Variants in SOX5 observed in about 807,000 individuals in gnomAD.
The protein encoded by SOX5 is SRY-box transcription factor 5.
SOX5 carries 9 observed loss-of-function variants against 92.0 expected under a neutral mutation model. The ratio of observed to expected loss-of-function variants is 0.10; its 90% CI spans 0.06 to 0.17. The LOEUF is 0.17. Ranked by LOEUF, SOX5 falls within the 10% of genes least tolerant of loss-of-function variation. The pLI is 1.00. For missense variants in SOX5, 642 were observed against 944.5 expected, an observed-to-expected ratio of 0.68 and a Z score of 4.20; for synonymous variants, 344 against 336.3, an observed-to-expected ratio of 1.02 and a Z score of -0.25.
At chr12:24,452,452 C>CT (rs1262244893) in intron 1 of SOX5, among the ~76,000 whole-genome samples, 3 of 152,150 alleles carry the variant, frequency 2.0e-5, no homozygotes, top group Non-Finnish European at 4.4e-5. Flanking sequence ...CTAATGCCAC[C>CT]TCCCAGAGGG....
At chr12:24,377,074 G>C (rs1356081409) in intron 1 of SOX5, among the ~76,000 whole-genome samples, 1 of 152,032 alleles carries the variant, frequency 6.6e-6, no homozygotes, top group Non-Finnish European at 1.5e-5. Flanking sequence ...TACAGATGTA[G>C]ATTTGTCATG....
At chr12:24,135,270 C>T (rs1950014110) in intron 4 of SOX5, among the ~76,000 whole-genome samples, 1 of 152,312 alleles carries the variant, frequency 6.6e-6, no homozygotes, top group South Asian at 2.1e-4. Context: ...GATATAGCAA[C>T]CAATCCAAAA....
rs1049387239 is a variant in SOX5, at chr12:23,862,549, A to C, written c.271-16356T>G. On this transcript the variant is annotated intron_variant, in intron 2 of 14. Coordinates refer to ENST00000451604, the MANE Select transcript of SOX5 (RefSeq NM_006940.6). ...TTAAAAGCAACTAATAAATCCACTT[A>C]TGTTAAATTTGCCTAAAACATGACT... Among the ~76,000 whole-genome samples the C allele has an allele frequency of 1.6e-4, 24 of 152,316 alleles. 1 individual carries two copies. The highest frequency in any genetic ancestry group is 1.8e-4 in the Non-Finnish European group (12 of 68,016).
intron 4 of SOX5, among the ~76,000 whole-genome samples, chr12:24,092,301 T>C (rs1017865681): frequency 7.4e-6 from 1 of 135,522 alleles, no homozygotes; most frequent in Admixed American, 7.6e-5. Flanking sequence ...TAGGGTACAA[T>C]GCTGCGGAAT....
chr12:24,022,647 AGGATTGGCAG>A (rs1253491024), intron 4 of SOX5, among the ~76,000 whole-genome samples: 1 of 152,056 alleles, frequency 6.6e-6, no homozygotes, highest in African/African-American at 2.4e-5. Flanking sequence ...CTTGCTCCCA[AGGATTGGCAG>A]GGCTGATTCA....
intron 3 of SOX5, among the ~76,000 whole-genome samples, chr12:24,249,156 G>A (rs1232483934): frequency 2.6e-5 from 4 of 152,162 alleles, no homozygotes; most frequent in Non-Finnish European, 5.9e-5. Flanking sequence ...CTGTGTAAAC[G>A]ATCAGTGTTG....
chr12:24,014,583 C>G (rs944412839), intron 4 of SOX5, among the ~76,000 whole-genome samples: 1 of 152,076 alleles, frequency 6.6e-6, no homozygotes, highest in Admixed American at 6.6e-5. Flanking sequence ...AGTTAATAAG[C>G]CTTGATCTTG....
At chr12:23,854,801 A>T (rs1436080915) in intron 2 of SOX5, among the ~76,000 whole-genome samples, 2 of 152,158 alleles carry the variant, frequency 1.3e-5, no homozygotes, top group East Asian at 3.9e-4. Context: ...TGTATGCCTC[A>T]ATTTTCTCAT....
intron 5 of SOX5, 57 bp downstream of exon 5, chr12:23,740,810 A>G: frequency 1.4e-6 from 2 of 1,427,642 alleles, no homozygotes; most frequent in African/African-American, 1.4e-5. Context: ...AGTGACCTAT[A>G]AGTAGCAGGC....
At chr12:23,734,296 A>T (rs1429583865) in intron 6 of SOX5, among the ~76,000 whole-genome samples, 1 of 152,170 alleles carries the variant, frequency 6.6e-6, no homozygotes, top group Non-Finnish European at 1.5e-5. Flanking sequence ...GGCATGCAAT[A>T]AAAAAGTTCT....
At chr12:24,321,664 G>T (rs1008868095) in intron 2 of SOX5, among the ~76,000 whole-genome samples, 1 of 152,058 alleles carries the variant, frequency 6.6e-6, no homozygotes, top group Middle Eastern at 3.2e-3. Context: ...CATCTTGCTG[G>T]AGTACAAGAA....
At chr12:23,814,596 A>T (rs1368349290) in intron 3 of SOX5, among the ~76,000 whole-genome samples, 2 of 152,202 alleles carry the variant, frequency 1.3e-5, no homozygotes, top group African/African-American at 2.4e-5. Context: ...ACTTCAATTA[A>T]CAGATTCTGA....
chr12:24,314,751 C>A (rs544604095), intron 2 of SOX5, among the ~76,000 whole-genome samples: 2 of 152,186 alleles, frequency 1.3e-5, no homozygotes, highest in East Asian at 3.9e-4. Flanking sequence ...GACCTCCTTG[C>A]ACTTCCTTGA....
chr12:23,604,572 T>C, intron 8 of SOX5, 39 bp from the exon 9 acceptor site: 1 of 1,589,608 alleles, frequency 6.3e-7, no homozygotes, highest in Non-Finnish European at 8.6e-7. Context: ...AAGAATACTG[T>C]GAATAATAAA....
At chr12:24,355,403 G>A (rs909469582) in intron 2 of SOX5, among the ~76,000 whole-genome samples, 2 of 139,540 alleles carry the variant, frequency 1.4e-5, no homozygotes, top group Admixed American at 8.1e-5. Flanking sequence ...CGCCTCCCAG[G>A]TTCACACCAT....
intron 1 of SOX5, among the ~76,000 whole-genome samples, chr12:24,523,518 T>C (rs1252983310): frequency 1.3e-5 from 2 of 152,184 alleles, no homozygotes; most frequent in Non-Finnish European, 2.9e-5. Flanking sequence ...ATGAGAACAG[T>C]ATGCTACTGG....
At chr12:24,085,570 G>C (rs368056018) in intron 4 of SOX5, among the ~76,000 whole-genome samples, 10 of 151,976 alleles carry the variant, frequency 6.6e-5, no homozygotes, top group African/African-American at 2.4e-4. Context: ...TAATTATTTG[G>C]CTATAATATA....
At position 23,842,296 on chromosome 12, in the gene SOX5, G is replaced by A. The variant is rs2096528089; in HGVS notation, c.481+3687C>T. ...AGGAGCCATATTTCTCACTGTTGGG[G>A]TGGAAATGTACAGATCAGTAAGAAA... is the stretch of plus-strand genomic sequence containing the variant. On this transcript the variant is annotated intron_variant, in intron 3 of 14. Transcript: ENST00000451604. 3.3e-5 allele frequency among the ~76,000 whole-genome samples: 5 copies of A among 152,162 alleles called. No homozygotes were observed. The South Asian group carries it at 1.0e-3, about 32-fold the overall frequency.
chr12:24,261,336 T>G (rs944350921), intron 3 of SOX5, among the ~76,000 whole-genome samples: 3 of 152,210 alleles, frequency 2.0e-5, no homozygotes, highest in Non-Finnish European at 2.9e-5. Flanking sequence ...CATTAAGGAC[T>G]TTGTAGCAAA....
Sources: allele counts gnomAD v4.1 joint callset (sites outside exome capture counted in the v4.1 genomes callset), GRCh38; gene constraint gnomAD v4.1.1; transcripts MANE v1.5; gene names NCBI Gene and HGNC (gene_info 2026-07-23, HGNC 2026-07-21).